SLC1A3: variants seen among roughly 807,000 people sequenced by gnomAD.
SLC1A3 encodes excitatory amino acid transporter 1.
A neutral mutation model predicts 48.1 loss-of-function variants in SLC1A3; 21 were observed. That is an observed-to-expected ratio of 0.44 (90% CI 0.31 to 0.63). The LOEUF is 0.63. Ranked by LOEUF, SLC1A3 falls within the 20% of genes least tolerant of loss-of-function variation. The pLI is 0.08. For synonymous variants in SLC1A3, 239 were observed against 251.4 expected (o/e 0.95, Z 0.47); for missense variants, 546 against 689.0 (o/e 0.79, Z 2.32).
At chr5:36,627,635 G>A (rs1459484588) in intron 2 of SLC1A3, among the ~76,000 whole-genome samples, 2 of 152,202 alleles carry the variant, frequency 1.3e-5, no homozygotes, top group Non-Finnish European at 2.9e-5. Context: ...GAACGAATCT[G>A]ATATCAGGAG....
At chr5:36,669,744 C>G (rs1463910482) in intron 3 of SLC1A3, 1 of 152,008 alleles carries the variant, frequency 6.6e-6, no homozygotes, top group East Asian at 1.9e-4. Flanking sequence ...GATTTTTGAG[C>G]AAACCCAACC....
At chr5:36,678,925 AGTG>A (rs1234189419) in intron 6 of SLC1A3, among the ~76,000 whole-genome samples, 1 of 152,238 alleles carries the variant, frequency 6.6e-6, no homozygotes, top group Admixed American at 6.5e-5. Flanking sequence ...AATTATGGCA[AGTG>A]GTACTAGATT....
At chr5:36,597,698 A>G (rs1738761191) in intron 1 of SLC1A3, among the ~76,000 whole-genome samples, 1 of 152,138 alleles carries the variant, frequency 6.6e-6, no homozygotes, top group Non-Finnish European at 1.5e-5. Flanking sequence ...GTAAACAGCA[A>G]TCTGGGCCCC....
chr5:36,665,377 C>G (rs191301709), intron 3 of SLC1A3, among the ~76,000 whole-genome samples: 15 of 152,350 alleles, frequency 9.8e-5, no homozygotes, highest in African/African-American at 2.9e-4. Flanking sequence ...TGGTCCCGCT[C>G]TCTTGGCACT....
At chr5:36,677,234 A>G (rs1742252116) in intron 6 of SLC1A3, 50 bp downstream of exon 6, 3 of 1,522,770 alleles carry the variant, frequency 2.0e-6, no homozygotes, top group African/African-American at 2.7e-5. Context: ...GGTTATTGCC[A>G]TCAACATGTG....
chr5:36,607,861 AC>A lies in SLC1A3; in HGVS notation c.-95-467del, dbSNP rs561113801. On this transcript the variant is annotated intron_variant, in intron 1 of 9. Transcript: ENST00000265113. ...TACTTTACTGCATGTAACAGAGACA[AC>A]TCCCACCTATCAGTATCTTAATTAT... Among the ~76,000 whole-genome samples, 271 of 152,152 alleles carry A rather than the reference AC, an allele frequency of 1.8e-3. 1 individual carries two copies. The highest frequency in any genetic ancestry group is 6.3e-3 in the African/African-American group (261 of 41,480).
chr5:36,678,615 T>A (rs370672897), intron 6 of SLC1A3, among the ~76,000 whole-genome samples: 24 of 152,362 alleles, frequency 1.6e-4, no homozygotes, highest in East Asian at 5.8e-4. Context: ...AGACCCTTCT[T>A]CTTAAGTGTG....
chr5:36,666,938 C>CT (rs1436537554), intron 3 of SLC1A3, among the ~76,000 whole-genome samples: 9 of 152,192 alleles, frequency 5.9e-5, no homozygotes, highest in African/African-American at 1.9e-4. Context: ...TTCCTTTCCT[C>CT]TCTCTTCCAT....
At chr5:36,680,915 CA>C (rs10710837) in intron 8 of SLC1A3, among the ~76,000 whole-genome samples, 26,354 of 84,716 alleles carry the variant, frequency 0.31, 3,551 homozygotes, top group African/African-American at 0.47. Context: ...GACTCCATCT[CA>C]AAAAAAAAAA....
intron 3 of SLC1A3, chr5:36,636,504 T>TTTCTTTCTTTC (rs1561255341): frequency 7.4e-5 from 2 of 27,076 alleles, no homozygotes; most frequent in South Asian, 2.6e-3. Context: ...TCTTTCTTTC[T>TTTCTTTCTTTC]TTTTCTTTCT....
At chr5:36,683,782 C>A in intron 8 of SLC1A3, 82 bp from the exon 9 acceptor site, 1 of 1,467,460 alleles carries the variant, frequency 6.8e-7, no homozygotes, top group Non-Finnish European at 9.5e-7. Flanking sequence ...CAGGCATCGG[C>A]ACCGTGCGTA....
chr5:36,672,868 C>A (rs1338524403), intron 4 of SLC1A3, among the ~76,000 whole-genome samples: 1 of 152,218 alleles, frequency 6.6e-6, no homozygotes, highest in African/African-American at 2.4e-5. Context: ...TTCACCATTT[C>A]TGCATGAACT....
At chr5:36,676,828 T>A in intron 5 of SLC1A3, 64 bp from the exon 6 acceptor site, 1 of 1,280,004 alleles carries the variant, frequency 7.8e-7, no homozygotes, top group Non-Finnish European at 1.1e-6. Context: ...AATTTGACAA[T>A]AGGAAAATAT....
intron 3 of SLC1A3, among the ~76,000 whole-genome samples, chr5:36,652,080 C>A (rs762877195): frequency 6.6e-6 from 1 of 152,160 alleles, no homozygotes; most frequent in African/African-American, 2.4e-5. Flanking sequence ...CTTTGCCATG[C>A]TTTTCCTGGA....
intron 3 of SLC1A3, chr5:36,636,490 T>TCTTC (rs1561255222): frequency 7.5e-6 from 1 of 132,572 alleles, no homozygotes; most frequent in African/African-American, 3.3e-5. Context: ...TTTCTTTCTT[T>TCTTC]CTTTCTTTCT....
rs111852450 is a variant in SLC1A3 at position 36,668,358 on chromosome 5, T to G, written c.320-2671T>G. On this transcript the variant is annotated intron_variant, in intron 3 of 9. Coordinates refer to ENST00000265113, the MANE Select transcript of SLC1A3 (RefSeq NM_004172.5). ...TCCATTTTCCTGATGCCACCAGTAT[T>G]AAGGCCATTGTGTGTGAACAGATTG... 1.5e-3 allele frequency: 230 copies of G among 152,444 alleles called. 7 individuals carry two copies. Among genetic ancestry groups the G allele is most frequent in the Middle Eastern group, 0.01 (3 of 296 alleles). The allele number at this position is 152,444 out of a possible 1,614,324, so 9.4% of individuals were successfully genotyped here.
At chr5:36,673,810 C>T (rs2303715) in intron 4 of SLC1A3, among the ~76,000 whole-genome samples, 11,170 of 152,196 alleles carry the variant, frequency 0.073, 492 homozygotes, top group East Asian at 0.13. Context: ...TGAAGAACCC[C>T]ATTGGCTGAC....
chr5:36,641,367 G>T (rs549909965), intron 3 of SLC1A3, among the ~76,000 whole-genome samples: 4 of 152,058 alleles, frequency 2.6e-5, no homozygotes, highest in East Asian at 1.9e-4. Flanking sequence ...GCACTTTAAG[G>T]TTTCTTAACT....
chr5:36,612,079 ACACACG>A (rs1338348541), intron 2 of SLC1A3, among the ~76,000 whole-genome samples: 1 of 147,996 alleles, frequency 6.8e-6, no homozygotes, highest in African/African-American at 2.6e-5. Flanking sequence ...GCACACACAC[ACACACG>A]CACACACACA....
Sources: gnomAD v4.1 joint callset for allele counts (sites outside exome capture counted in the v4.1 genomes callset) on GRCh38, gnomAD v4.1.1 for gene constraint, MANE v1.5 for transcripts, NCBI Gene and HGNC (gene_info 2026-07-23, HGNC 2026-07-21) for gene names.